Variants in TMIGD3 observed in about 807,000 individuals in gnomAD.
TMIGD3 encodes transmembrane and immunoglobulin domain containing 3.
A neutral mutation model predicts 28.1 loss-of-function variants in TMIGD3; 21 were observed. That is an observed-to-expected ratio of 0.75 (90% confidence interval 0.53 to 1.08). The LOEUF (loss-of-function observed/expected upper bound fraction) is 1.08, where lower values mean the gene tolerates loss of function less well. Ranked by LOEUF, TMIGD3 falls within the 50% of genes least tolerant of loss-of-function variation. TMIGD3 has a pLI of 0.00. For missense variants in TMIGD3, 416 were observed against 435.6 expected, an observed-to-expected ratio of 0.96 and a Z score of 0.40; for synonymous variants, 151 against 162.1, an observed-to-expected ratio of 0.93 and a Z score of 0.52.
chr1:111,556,368 T>C (rs1158875537), intron 1 of TMIGD3, among the ~76,000 whole-genome samples: 5 of 152,142 alleles, frequency 3.3e-5, no homozygotes, highest in Non-Finnish European at 7.4e-5. Context: ...AGTATGGCAG[T>C]TTCTCAAAAA....
intron 1 of TMIGD3, among the ~76,000 whole-genome samples, chr1:111,527,659 C>A (rs1279544815): frequency 2.0e-5 from 3 of 152,202 alleles, no homozygotes; most frequent in Non-Finnish European, 4.4e-5. Flanking sequence ...ATATCCTTAC[C>A]AGCATTTAGT....
At chr1:111,491,095 C>T (rs1053766165) in intron 1 of TMIGD3, among the ~76,000 whole-genome samples, 1 of 152,244 alleles carries the variant, frequency 6.6e-6, no homozygotes, top group Non-Finnish European at 1.5e-5. Context: ...AGAGGCCACT[C>T]CTTTTGTCTG....
chr1:111,494,983 A>G (rs1465827409), intron 1 of TMIGD3, among the ~76,000 whole-genome samples: 1 of 152,228 alleles, frequency 6.6e-6, no homozygotes, highest in Non-Finnish European at 1.5e-5. Context: ...TATACCATAT[A>G]CAAAAATCAA....
At chr1:111,497,551 T>C (rs1193907940) in intron 1 of TMIGD3, among the ~76,000 whole-genome samples, 1 of 152,162 alleles carries the variant, frequency 6.6e-6, no homozygotes, top group African/African-American at 2.4e-5. Flanking sequence ...CCTGGGCTTA[T>C]GGAACACCTT....
chr1:111,484,979 T>A (rs1654290849), intron 5 of TMIGD3, among the ~76,000 whole-genome samples: 1 of 152,200 alleles, frequency 6.6e-6, no homozygotes, highest in African/African-American at 2.4e-5. Flanking sequence ...CTCTGAACAG[T>A]AAGACCAGCC....
At chr1:111,502,959 A>T in intron 1 of TMIGD3, 46 bp downstream of exon 1, 1 of 1,598,180 alleles carries the variant, frequency 6.3e-7, no homozygotes, top group Non-Finnish European at 8.5e-7. Context: ...TTGTAGCCTC[A>T]TTTCCCAGCT....
Position 111,503,072 on chromosome 1 carries a change from G to A in TMIGD3, c.283C>T (p.His95Tyr). The A allele has an allele frequency of 6.2e-7, 1 of 1,614,164 alleles. No individual in the cohort carries two copies. Among genetic ancestry groups the A allele is most frequent in the Non-Finnish European group, 8.5e-7 (1 of 1,180,032 alleles). Residue 95 changes from histidine to tyrosine, a missense_variant, in exon 1 of 6, where the codon CAC becomes TAC. Transcript: ENST00000369716. ...FMTCLLLIFT[H>Y]ASIMSLLAIA... ...GCCAGCAAGGACATGATGGAGGCGTGGGTAAAGATAAGCAGTAGGCAAGTC... is the reference window on the plus strand; with the variant it reads ...GCCAGCAAGGACATGATGGAGGCGTAGGTAAAGATAAGCAGTAGGCAAGTC...
At chr1:111,527,520 T>C (rs1490929915) in intron 1 of TMIGD3, among the ~76,000 whole-genome samples, 1 of 152,216 alleles carries the variant, frequency 6.6e-6, no homozygotes, top group Admixed American at 6.5e-5. Flanking sequence ...TTTGGATAAA[T>C]ACCCCTAGGA....
At chr1:111,528,515 A>G (rs554595391) in intron 1 of TMIGD3, among the ~76,000 whole-genome samples, 1 of 152,264 alleles carries the variant, frequency 6.6e-6, no homozygotes, top group East Asian at 1.9e-4. Context: ...CTCTCCGTAT[A>G]AATTTTGGAA....
At chr1:111,542,359 G>C (rs560736937) in intron 1 of TMIGD3, 25 of 328,142 alleles carry the variant, frequency 7.6e-5, no homozygotes, top group African/African-American at 4.3e-4. Flanking sequence ...GTGGGTGAAG[G>C]ACTGTGCCAG....
chr1:111,529,518 T>C (rs1401263826), intron 1 of TMIGD3, among the ~76,000 whole-genome samples: 2 of 149,628 alleles, frequency 1.3e-5, no homozygotes, highest in Non-Finnish European at 3.0e-5. Context: ...CCCTGCGGCC[T>C]TCCGCAGTGT....
At position 111,483,642 on chromosome 1, in the gene TMIGD3, T is replaced by C; in HGVS notation, c.*45A>G. On this transcript the variant is annotated 3_prime_UTR_variant, in exon 6 of 6. Coordinates refer to ENST00000369716, the MANE Select transcript of TMIGD3 (RefSeq NM_020683.7). ...GTGGGCCAGTTGTCATGGTGATTAT[T>C]CTGTTGTAGCATCACTTTATGAACT... 6.9e-7 allele frequency: 1 copy of C among 1,457,036 alleles called. No homozygotes were observed. Among genetic ancestry groups the C allele is most frequent in the Non-Finnish European group, 9.6e-7 (1 of 1,039,812 alleles). The allele number at this position is 1,457,036 out of a possible 1,614,324, so 90.3% of individuals were successfully genotyped here.
At chr1:111,543,014 A>C (rs1281875930) in intron 1 of TMIGD3, among the ~76,000 whole-genome samples, 1 of 152,160 alleles carries the variant, frequency 6.6e-6, no homozygotes, top group Non-Finnish European at 1.5e-5. Context: ...TATTTGTTTT[A>C]TAACCATGAG....
rs963542191 is a variant in TMIGD3, at chr1:111,503,440, G to A, written c.-86C>T. 17 of 1,496,298 alleles carry A rather than the reference G, an allele frequency of 1.1e-5. No homozygotes were observed. Among genetic ancestry groups the A allele is most frequent in the Middle Eastern group, 1.8e-4 (1 of 5,480 alleles). The allele number at this position is 1,496,298 out of a possible 1,614,324, so 92.7% of individuals were successfully genotyped here. On this transcript the variant is annotated 5_prime_UTR_variant, in exon 1 of 6. The change creates a new upstream start codon in the 5' untranslated region. Transcript: ENST00000369716. ...CCAGTGGGCCTAGCTCTCGCCAGAC[G>A]TCTTCCCAGAGGTCCATGTGCAGTG...
intron 3 of TMIGD3, among the ~76,000 whole-genome samples, chr1:111,488,241 G>A (rs1172036627): frequency 2.9e-5 from 4 of 139,472 alleles, no homozygotes; most frequent in Non-Finnish European, 4.7e-5. Flanking sequence ...TTTTTTTTTT[G>A]AGACTGAGTC....
chr1:111,496,261 T>G (rs1654883820), intron 1 of TMIGD3, among the ~76,000 whole-genome samples: 1 of 152,212 alleles, frequency 6.6e-6, no homozygotes, highest in African/African-American at 2.4e-5. Flanking sequence ...AGTTTCAACT[T>G]AGGATCAACC....
chr1:111,510,972 C>G (rs1178817415), intron 1 of TMIGD3, among the ~76,000 whole-genome samples: 3 of 152,134 alleles, frequency 2.0e-5, no homozygotes, highest in Non-Finnish European at 2.9e-5. Flanking sequence ...TCACGGGCAC[C>G]CACATCCAGC....
chr1:111,519,852 C>T (rs965290087), intron 1 of TMIGD3, among the ~76,000 whole-genome samples: 12 of 151,994 alleles, frequency 7.9e-5, no homozygotes, highest in African/African-American at 2.9e-4. Context: ...GCCACCACAC[C>T]CAGCTAATTT....
At chr1:111,509,144 G>C (rs992983741) in intron 1 of TMIGD3, among the ~76,000 whole-genome samples, 1 of 152,204 alleles carries the variant, frequency 6.6e-6, no homozygotes, top group Non-Finnish European at 1.5e-5. Flanking sequence ...CCAGCTCCTG[G>C]TCTCCTCGCT....
Sources: allele counts gnomAD v4.1 joint callset (sites outside exome capture counted in the v4.1 genomes callset), GRCh38; gene constraint gnomAD v4.1.1; transcripts MANE v1.5; gene names NCBI Gene and HGNC (gene_info 2026-07-23, HGNC 2026-07-21).